Variants in TMEM117 observed in about 807,000 individuals in gnomAD.
The protein encoded by TMEM117 is transmembrane protein 117.
TMEM117 carries 27 observed loss-of-function variants against 52.4 expected under a neutral mutation model. The observed-to-expected ratio is 0.51, with a 90% CI of 0.38 to 0.71. The LOEUF is 0.71. Ranked by LOEUF, TMEM117 falls within the 30% of genes least tolerant of loss-of-function variation. The pLI, the probability that TMEM117 is intolerant of heterozygous loss-of-function variation, is 0.00. For synonymous variants in TMEM117, 215 were observed against 206.3 expected (o/e 1.04, Z -0.36); for missense variants, 556 against 630.5 (o/e 0.88, Z 1.26).
chr12:43,961,363 A>G (rs1433814585), intron 3 of TMEM117, among the ~76,000 whole-genome samples: 1 of 151,326 alleles, frequency 6.6e-6, no homozygotes, highest in African/African-American at 2.4e-5. Flanking sequence ...TGTAATAGTT[A>G]TTATTAATTT....
intron 2 of TMEM117, among the ~76,000 whole-genome samples, chr12:43,931,159 A>C (rs1944865372): frequency 6.6e-6 from 1 of 152,256 alleles, no homozygotes; most frequent in South Asian, 2.1e-4. Context: ...CCTACAAGGC[A>C]AAAACACAAA....
At chr12:44,396,794 C>G in the TMEM117 span, among the ~76,000 whole-genome samples, 16 of 147,138 alleles carry the variant, frequency 1.1e-4, no homozygotes, top group Admixed American at 5.5e-4. Flanking sequence ...GCGGAGGTTG[C>G]AGTGAGCCGA....
At chr12:44,283,925 T>G (rs1950607477) in intron 5 of TMEM117, among the ~76,000 whole-genome samples, 1 of 152,138 alleles carries the variant, frequency 6.6e-6, no homozygotes, top group Non-Finnish European at 1.5e-5. Flanking sequence ...TGTGCTACTC[T>G]TAGGATAGGG....
At chr12:44,350,968 T>C (rs1210575879) in intron 6 of TMEM117, among the ~76,000 whole-genome samples, 5 of 152,086 alleles carry the variant, frequency 3.3e-5, no homozygotes, top group African/African-American at 1.2e-4. Context: ...TGTACTACTT[T>C]ACATTCCCAC....
the TMEM117 span, among the ~76,000 whole-genome samples, chr12:43,813,027 AG>A: frequency 6.7e-6 from 1 of 150,316 alleles, no homozygotes; most frequent in Non-Finnish European, 1.5e-5. Flanking sequence ...AAGCAGCAGC[AG>A]CACCAGCAGC....
At chr12:44,313,095 G>T (rs1050853385) in intron 6 of TMEM117, among the ~76,000 whole-genome samples, 1 of 152,102 alleles carries the variant, frequency 6.6e-6, no homozygotes, top group Non-Finnish European at 1.5e-5. Flanking sequence ...TTTGCTGTAC[G>T]AAAGCTCTTT....
chr12:44,281,501 A>G (rs1030142558), intron 5 of TMEM117, among the ~76,000 whole-genome samples: 2 of 152,188 alleles, frequency 1.3e-5, no homozygotes, highest in Non-Finnish European at 2.9e-5. Context: ...GTCTTCATCA[A>G]AGTCACAAAA....
At chr12:44,085,431 G>T (rs1947551082) in intron 3 of TMEM117, among the ~76,000 whole-genome samples, 2 of 152,164 alleles carry the variant, frequency 1.3e-5, no homozygotes, top group Non-Finnish European at 2.9e-5. Flanking sequence ...TAATAAAGCT[G>T]GTATCAAGGT....
rs776129691 is a variant in TMEM117 at position 44,299,582 on chromosome 12, C to T, written c.611C>T (p.Thr204Ile). Residue 204 changes from threonine to isoleucine, a missense_variant and splice_region_variant, in exon 6 of 8, where the codon ACA becomes ATA. Coordinates refer to ENST00000266534, the MANE Select transcript of TMEM117 (RefSeq NM_032256.3). Reference protein sequence around the residue: ...KGNVRITLFWTVLFTLTSVVV... With the variant: ...KGNVRITLFWIVLFTLTSVVV... ...AATGAGTGTCTTGTTCCTTACAGGA[C>T]AGTTCTTTTTACTCTGACGTCTGTG... is the stretch of plus-strand genomic sequence containing the variant. 2 of 1,613,966 alleles carry T rather than the reference C, an allele frequency of 1.2e-6. No individual in the cohort carries two copies. Among genetic ancestry groups the T allele is most frequent in the Admixed American group, 1.7e-5 (1 of 59,988 alleles).
At chr12:43,915,720 G>T (rs1322184314) in intron 2 of TMEM117, among the ~76,000 whole-genome samples, 2 of 151,670 alleles carry the variant, frequency 1.3e-5, no homozygotes, top group African/African-American at 4.8e-5. Context: ...AAGAAAGGAG[G>T]GGAAGAAGGA....
rs538433732 is a variant in TMEM117 at position 44,021,827 on chromosome 12, C to T, written c.410+77485C>T. ...CTCCTTCTGAGTAGTGACCACCTGC[C>T]ACTGTCTCTGGAAGTACTCTTGCTG... On this transcript the variant is annotated intron_variant, in intron 3 of 7. Coordinates refer to ENST00000266534, the MANE Select transcript of TMEM117 (RefSeq NM_032256.3). Among the ~76,000 whole-genome samples the T allele has an allele frequency of 3.0e-3, 462 of 152,288 alleles. 3 individuals carry two copies. The highest frequency in any genetic ancestry group is 0.011 in the African/African-American group (449 of 41,564).
At chr12:44,346,503 A>G (rs545146072) in intron 6 of TMEM117, among the ~76,000 whole-genome samples, 13 of 151,982 alleles carry the variant, frequency 8.6e-5, no homozygotes, top group Non-Finnish European at 1.3e-4. Context: ...TTGTTCTTGC[A>G]CTCATTCTCA....
chr12:43,873,429 T>C (rs1383536914), intron 2 of TMEM117, among the ~76,000 whole-genome samples: 3 of 152,302 alleles, frequency 2.0e-5, no homozygotes, highest in South Asian at 4.1e-4. Context: ...TGGAAAGGTA[T>C]CAAATTCATC....
At chr12:44,131,730 A>C (rs1294279304) in intron 3 of TMEM117, among the ~76,000 whole-genome samples, 1 of 152,104 alleles carries the variant, frequency 6.6e-6, no homozygotes, top group Admixed American at 6.6e-5. Flanking sequence ...TAATAATACT[A>C]TTCACCTTTA....
chr12:44,082,931 G>A (rs1418449633), intron 3 of TMEM117, among the ~76,000 whole-genome samples: 1 of 152,062 alleles, frequency 6.6e-6, no homozygotes, highest in Admixed American at 6.6e-5. Context: ...ATAGCCAAAA[G>A]TAGGTTGCCT....
intron 6 of TMEM117, among the ~76,000 whole-genome samples, chr12:44,331,209 CT>C (rs911241131): frequency 2.7e-5 from 4 of 149,048 alleles, no homozygotes; most frequent in East Asian, 2.0e-4. Flanking sequence ...CTTTTTTTCT[CT>C]TTTTTTTTGT....
At chr12:44,049,304 C>A (rs941344488) in intron 3 of TMEM117, among the ~76,000 whole-genome samples, 11 of 152,198 alleles carry the variant, frequency 7.2e-5, no homozygotes, top group African/African-American at 2.6e-4. Flanking sequence ...CCTCAGCAAA[C>A]TAACACAGGA....
intron 6 of TMEM117, among the ~76,000 whole-genome samples, chr12:44,334,361 A>G (rs2138732745): frequency 6.6e-6 from 1 of 152,194 alleles, no homozygotes; most frequent in South Asian, 2.1e-4. Flanking sequence ...TTCATCCTGG[A>G]TATCATTAGA....
At chr12:44,300,656 T>C (rs1950828161) in intron 6 of TMEM117, among the ~76,000 whole-genome samples, 1 of 152,238 alleles carries the variant, frequency 6.6e-6, no homozygotes, top group Non-Finnish European at 1.5e-5. Context: ...TTTAAATTTG[T>C]TAAATAATAT....
Sources: allele counts gnomAD v4.1 joint callset (sites outside exome capture counted in the v4.1 genomes callset), GRCh38; gene constraint gnomAD v4.1.1; transcripts MANE v1.5; gene names NCBI Gene and HGNC (gene_info 2026-07-23, HGNC 2026-07-21).